Variants in FOXP2 observed in about 807,000 individuals in gnomAD.
FOXP2 encodes forkhead box protein P2.
In FOXP2, 12 loss-of-function variants were observed where a neutral mutation model predicts 115.8. That is an observed-to-expected ratio of 0.10 (90% CI 0.07 to 0.17). The LOEUF (loss-of-function observed/expected upper bound fraction) is 0.17. Ranked by LOEUF, FOXP2 falls within the 10% of genes least tolerant of loss-of-function variation. FOXP2 has a pLI of 1.00. For synonymous variants in FOXP2, 328 were observed against 297.7 expected (o/e 1.10, Z -1.05); for missense variants, 629 against 843.5 (o/e 0.75, Z 3.15).
rs1806941191 is a variant in FOXP2 at position 114,662,768 on chromosome 7, G to A, written c.1769+582G>A. ...CTAGTGTGAGAAAATTACTGGCTGG[G>A]AAGTTTGAATTTTGTTTGTTTTATA... On this transcript the variant is annotated intron_variant, in intron 14 of 16. Transcript: ENST00000350908. Among the ~76,000 whole-genome samples the A allele has an allele frequency of 2.0e-5, 3 of 152,054 alleles. No homozygotes were observed. In the South Asian group the frequency reaches 6.2e-4, roughly 32 times the overall value.
chr7:114,154,984 C>T (rs1792625473), intron 1 of FOXP2, among the ~76,000 whole-genome samples: 1 of 152,046 alleles, frequency 6.6e-6, no homozygotes, highest in African/African-American at 2.4e-5. Context: ...CCAATCTTGA[C>T]CCAAAGATTA....
intron 1 of FOXP2, among the ~76,000 whole-genome samples, chr7:114,108,667 T>C (rs967265968): frequency 7.3e-5 from 11 of 151,676 alleles, no homozygotes; most frequent in African/African-American, 2.7e-4. Flanking sequence ...ATTAGCACTA[T>C]TAGTTTAGCA....
At chr7:114,357,562 G>A (rs1488137027) in intron 2 of FOXP2, among the ~76,000 whole-genome samples, 1 of 152,042 alleles carries the variant, frequency 6.6e-6, no homozygotes, top group East Asian at 1.9e-4. Flanking sequence ...CTACTCAAAG[G>A]ACCACACGGT....
chr7:114,165,242 A>C (rs1437763686), intron 1 of FOXP2, among the ~76,000 whole-genome samples: 1 of 152,116 alleles, frequency 6.6e-6, no homozygotes, highest in Non-Finnish European at 1.5e-5. Context: ...GTTCCTTCTC[A>C]CCTCTCCTAT....
intron 1 of FOXP2, among the ~76,000 whole-genome samples, chr7:114,141,520 C>A (rs935305446): frequency 1.3e-5 from 2 of 152,046 alleles, no homozygotes; most frequent in African/African-American, 2.4e-5. Context: ...AGGGGATGAA[C>A]GGAATGGTGA....
chr7:114,150,301 T>C (rs1278434428), intron 1 of FOXP2, among the ~76,000 whole-genome samples: 6 of 152,022 alleles, frequency 3.9e-5, no homozygotes, highest in Non-Finnish European at 7.4e-5. Flanking sequence ...ATAATTGATA[T>C]CAGTTTCTAT....
chr7:114,280,151 T>C lies in FOXP2; in HGVS notation c.-101-7868T>C, dbSNP rs143524692. Among the ~76,000 whole-genome samples, 400 of 152,004 alleles carry C rather than the reference T, an allele frequency of 2.6e-3. 3 individuals are homozygous for C. Among genetic ancestry groups the C allele is most frequent in the African/African-American group, 9.3e-3 (385 of 41,542 alleles). The stretch of plus-strand genomic sequence containing the variant: ...ACAGGTGGTTTTTGAAGAAATTCTT[T>C]TTTCTTGACTTGCTGGTGTATTTTT... On this transcript the variant is annotated intron_variant, in intron 1 of 17. Coordinates refer to the FOXP2 transcript ENST00000634411.
upstream of FOXP2, among the ~76,000 whole-genome samples, chr7:114,409,542 C>A (rs1295705006): frequency 6.6e-6 from 1 of 152,036 alleles, no homozygotes; most frequent in East Asian, 1.9e-4. Context: ...CTTATTGAAT[C>A]TTTTTCCATT....
At chr7:114,570,987 T>C in intron 3 of FOXP2, 1 of 929,020 alleles carries the variant, frequency 1.1e-6, no homozygotes, top group South Asian at 1.3e-5. Flanking sequence ...TCCCTTCCAT[T>C]GGTGCAGATA....
intron 1 of FOXP2, among the ~76,000 whole-genome samples, chr7:114,180,414 C>G (rs1294181869): frequency 6.6e-6 from 1 of 151,864 alleles, no homozygotes; most frequent in African/African-American, 2.4e-5. Flanking sequence ...GATGAGCTCA[C>G]TTACTCCCAA....
At chr7:114,110,968 A>G (rs1791253062) in intron 1 of FOXP2, among the ~76,000 whole-genome samples, 1 of 152,150 alleles carries the variant, frequency 6.6e-6, no homozygotes, top group African/African-American at 2.4e-5. Context: ...GAACACCCAT[A>G]AAGAATACTT....
At chr7:114,381,537 A>G (rs1238977939) in intron 2 of FOXP2, among the ~76,000 whole-genome samples, 2 of 152,204 alleles carry the variant, frequency 1.3e-5, no homozygotes, top group Non-Finnish European at 2.9e-5. Flanking sequence ...GGATCTTTAA[A>G]GGCAAACAAG....
intron 1 of FOXP2, among the ~76,000 whole-genome samples, chr7:114,245,604 A>C (rs990824383): frequency 1.3e-5 from 2 of 152,186 alleles, no homozygotes; most frequent in Admixed American, 6.5e-5. Context: ...GGATATGAAT[A>C]TTGTTAGTGG....
chr7:114,265,753 G>C (rs1795879251), intron 1 of FOXP2, among the ~76,000 whole-genome samples: 1 of 152,068 alleles, frequency 6.6e-6, no homozygotes, highest in African/African-American at 2.4e-5. Context: ...TGTAGGTGGA[G>C]GCTGCCAAAC....
intron 1 of FOXP2, among the ~76,000 whole-genome samples, chr7:114,207,257 C>A (rs778461072): frequency 1.3e-5 from 2 of 152,094 alleles, no homozygotes; most frequent in Non-Finnish European, 2.9e-5. Context: ...ATGAATAATG[C>A]TGCTCTGAGC....
At chr7:114,385,754 A>T (rs1282082931) in intron 2 of FOXP2, among the ~76,000 whole-genome samples, 1 of 152,182 alleles carries the variant, frequency 6.6e-6, no homozygotes, top group African/African-American at 2.4e-5. Context: ...ACAGCTTTGG[A>T]TGTCCCTTCG....
chr7:114,460,570 T>A (rs989154259), intron 2 of FOXP2, among the ~76,000 whole-genome samples: 1 of 152,254 alleles, frequency 6.6e-6, no homozygotes, highest in African/African-American at 2.4e-5. Flanking sequence ...TAACTTTTCA[T>A]ATACTAATTA....
At chr7:114,651,810 A>G (rs948062664) in intron 8 of FOXP2, among the ~76,000 whole-genome samples, 1 of 152,162 alleles carries the variant, frequency 6.6e-6, no homozygotes, top group Admixed American at 6.6e-5. Flanking sequence ...TAGAAACAAC[A>G]AACTGTTCTA....
At chr7:114,470,035 G>T (rs1193131632) in intron 2 of FOXP2, among the ~76,000 whole-genome samples, 3 of 152,134 alleles carry the variant, frequency 2.0e-5, no homozygotes, top group Admixed American at 6.6e-5. Context: ...AAAATGGAAA[G>T]AATTTCAATA....
Sources: gnomAD v4.1 joint callset for allele counts (sites outside exome capture counted in the v4.1 genomes callset) on GRCh38, gnomAD v4.1.1 for gene constraint, MANE v1.5 for transcripts, NCBI Gene and HGNC (gene_info 2026-07-23, HGNC 2026-07-21) for gene names.